Variants in ACOXL observed in about 807,000 individuals in gnomAD.
ACOXL encodes acyl-CoA oxidase like.
ACOXL carries 70 observed loss-of-function variants against 71.9 expected under a neutral mutation model. The observed-to-expected ratio is 0.97, with a 90% CI of 0.80 to 1.19. ACOXL has a LOEUF of 1.19. Among genes scored for constraint, ACOXL ranks in the 50% most tolerant of loss-of-function variants. The pLI, the probability that ACOXL is intolerant of heterozygous loss-of-function variation, is 0.00. For missense variants in ACOXL, 703 were observed against 736.3 expected (o/e 0.95, Z 0.52); for synonymous variants, 253 against 281.6 (o/e 0.90, Z 1.02).
chr2:110,875,971 G>A (rs950757852), intron 10 of ACOXL, among the ~76,000 whole-genome samples: 6 of 152,268 alleles, frequency 3.9e-5, no homozygotes, highest in Admixed American at 3.3e-4. Context: ...CCACTCTACT[G>A]TATTTTATAA....
intron 11 of ACOXL, among the ~76,000 whole-genome samples, chr2:110,912,614 C>T (rs1478417793): frequency 1.3e-5 from 2 of 152,042 alleles, no homozygotes; most frequent in Non-Finnish European, 2.9e-5. Flanking sequence ...TAAAATGGAG[C>T]ATAAGCCTAA....
chr2:110,965,184 A>G (rs1021747955), intron 12 of ACOXL, among the ~76,000 whole-genome samples: 8 of 152,150 alleles, frequency 5.3e-5, no homozygotes, highest in East Asian at 1.9e-4. Flanking sequence ...ATAGTATTCC[A>G]TTATGTGTAT....
intron 1 of ACOXL, among the ~76,000 whole-genome samples, chr2:110,768,057 G>A (rs1213350668): frequency 9.9e-5 from 15 of 152,192 alleles, no homozygotes; most frequent in African/African-American, 2.9e-4. Flanking sequence ...GCTTGAACCC[G>A]GGAGGCGGAG....
chr2:111,057,048 G>A (rs1300157138), intron 16 of ACOXL, among the ~76,000 whole-genome samples: 1 of 152,202 alleles, frequency 6.6e-6, no homozygotes, highest in Non-Finnish European at 1.5e-5. Context: ...TAAGTGCCGA[G>A]AGCAAAGGAA....
At chr2:111,061,034 A>C (rs2066789508) in intron 16 of ACOXL, among the ~76,000 whole-genome samples, 1 of 152,184 alleles carries the variant, frequency 6.6e-6, no homozygotes, top group Non-Finnish European at 1.5e-5. Context: ...GTGGGACTAT[A>C]ACAAAAACTA....
intron 10 of ACOXL, among the ~76,000 whole-genome samples, chr2:110,854,310 C>G (rs1692981274): frequency 6.6e-6 from 1 of 152,176 alleles, no homozygotes; most frequent in Non-Finnish European, 1.5e-5. Context: ...GCCTGTACCT[C>G]TTTGTGATCG....
At chr2:111,101,652 G>A (rs745366667) in intron 17 of ACOXL, among the ~76,000 whole-genome samples, 45 of 145,372 alleles carry the variant, frequency 3.1e-4, no homozygotes, top group Non-Finnish European at 3.8e-4. Context: ...TAATGAATTT[G>A]AGGGAAAAAA....
intron 15 of ACOXL, among the ~76,000 whole-genome samples, chr2:111,034,886 G>T (rs1396236706): frequency 6.6e-6 from 1 of 152,056 alleles, no homozygotes; most frequent in African/African-American, 2.4e-5. Flanking sequence ...AGAATGCATA[G>T]GAAGGAAGAG....
At chr2:110,743,397 CCAGT>C (rs1677780437) in intron 1 of ACOXL, among the ~76,000 whole-genome samples, 1 of 152,188 alleles carries the variant, frequency 6.6e-6, no homozygotes, top group Non-Finnish European at 1.5e-5. Context: ...TTTTGGCTAC[CCAGT>C]CCCTACATTT....
intron 1 of ACOXL, among the ~76,000 whole-genome samples, chr2:110,757,897 T>C (rs552166056): frequency 1.1e-4 from 16 of 152,298 alleles, no homozygotes; most frequent in African/African-American, 3.8e-4. Flanking sequence ...TTGGTCTAAT[T>C]AGATCCGATT....
chr2:110,755,440 G>T lies in ACOXL; in HGVS notation c.-22-12928G>T, dbSNP rs573860505. ...GTATTTGAGGAAAACTACCAAGATT[G>T]TTAAATGTGGCGGTTTATATTTGAA... On this transcript the variant is annotated intron_variant, in intron 1 of 17. Transcript: ENST00000439055. Among the ~76,000 whole-genome samples, 16 of 152,344 alleles carry T rather than the reference G, an allele frequency of 1.1e-4. No individual in the cohort carries two copies. In the South Asian group the frequency reaches 1.2e-3, roughly 12 times the overall value.
chr2:110,748,075 G>A (rs372106017), intron 1 of ACOXL, among the ~76,000 whole-genome samples: 2 of 152,108 alleles, frequency 1.3e-5, no homozygotes, highest in African/African-American at 2.4e-5. Flanking sequence ...CCTGTGAGGC[G>A]GCAGAGCCCT....
intron 1 of ACOXL, among the ~76,000 whole-genome samples, chr2:110,756,430 A>C (rs902045346): frequency 6.6e-6 from 1 of 152,142 alleles, no homozygotes; most frequent in African/African-American, 2.4e-5. Flanking sequence ...CACCGTGTCA[A>C]GGTCTGTTTA....
At chr2:110,780,474 C>G (rs1251078191) in intron 2 of ACOXL, among the ~76,000 whole-genome samples, 1 of 152,140 alleles carries the variant, frequency 6.6e-6, no homozygotes, top group African/African-American at 2.4e-5. Context: ...CACATGTCCC[C>G]AAAAAGGTTT....
intron 14 of ACOXL, 120 bp from the exon 15 acceptor site, chr2:111,031,507 T>C: frequency 1.2e-6 from 1 of 831,794 alleles, no homozygotes; most frequent in Non-Finnish European, 2.0e-6. Context: ...CAGAAGGTTC[T>C]GCACTGTGTC....
chr2:110,767,369 A>G (rs912262026), intron 1 of ACOXL, among the ~76,000 whole-genome samples: 1 of 152,194 alleles, frequency 6.6e-6, no homozygotes, highest in African/African-American at 2.4e-5. Flanking sequence ...CCTCAGAACA[A>G]AGGCAGTCAG....
chr2:110,963,596 TGTGTGTG>T (rs780981216), intron 12 of ACOXL: 138,803 of 1,572,760 alleles, frequency 0.088, 4,914 homozygotes, highest in East Asian at 0.31. Flanking sequence ...TGTGTGTGTG[TGTGTGTG>T]TTTTTCTCTT....
intron 12 of ACOXL, among the ~76,000 whole-genome samples, chr2:110,974,981 G>A (rs1295688648): frequency 6.6e-6 from 1 of 152,210 alleles, no homozygotes; most frequent in Admixed American, 6.5e-5. Flanking sequence ...CAGGGGTTGG[G>A]GAACCTAGCT....
chr2:110,741,255 A>G (rs895933982), intron 1 of ACOXL, among the ~76,000 whole-genome samples: 3 of 152,140 alleles, frequency 2.0e-5, no homozygotes, highest in African/African-American at 2.4e-5. Context: ...ACAGAAATGT[A>G]TTGTCTCAGA....
Sources: gnomAD v4.1 joint callset for allele counts (sites outside exome capture counted in the v4.1 genomes callset) on GRCh38, gnomAD v4.1.1 for gene constraint, MANE v1.5 for transcripts, NCBI Gene and HGNC (gene_info 2026-07-23, HGNC 2026-07-21) for gene names.